The following ZFHX3 variants were observed in gnomAD, a reference collection of about 807,000 sequenced individuals.
ZFHX3 encodes zinc finger homeobox protein 3.
In ZFHX3, 42 loss-of-function variants were observed where a neutral mutation model predicts 279.1. The ratio of observed to expected loss-of-function variants is 0.15; its 90% CI spans 0.12 to 0.19. The LOEUF is 0.19. ZFHX3 is among the 10% of genes least tolerant of loss of function. ZFHX3 has a pLI of 1.00. For missense variants in ZFHX3, 4,981 were observed against 4,754.0 expected (o/e 1.05, Z -1.40); for synonymous variants, 2,293 against 1,957.8 (o/e 1.17, Z -4.52).
chr16:73,238,099 A>C (rs775685838), intron 5 of ZFHX3, among the ~76,000 whole-genome samples: 1 of 152,114 alleles, frequency 6.6e-6, no homozygotes, highest in Non-Finnish European at 1.5e-5. Context: ...CATACCTGGC[A>C]TCATTCTATT....
chr16:73,870,835 A>G (rs1282763322), intron 1 of ZFHX3, among the ~76,000 whole-genome samples: 1 of 152,194 alleles, frequency 6.6e-6, no homozygotes, highest in Non-Finnish European at 1.5e-5. Flanking sequence ...GGGTGGAGGA[A>G]AGACACATAA....
intron 2 of ZFHX3, among the ~76,000 whole-genome samples, chr16:73,468,183 A>T (rs1409269651): frequency 1.3e-5 from 2 of 152,156 alleles, no homozygotes; most frequent in African/African-American, 2.4e-5. Context: ...GTCCTCAAAC[A>T]TCTCAAGAAC....
intron 1 of ZFHX3, among the ~76,000 whole-genome samples, chr16:73,835,701 C>T (rs1961127782): frequency 2.6e-5 from 4 of 151,944 alleles, no homozygotes; most frequent in Admixed American, 6.6e-5. Context: ...GAACTCCTGA[C>T]CTCAGGAGAT....
intron 1 of ZFHX3, among the ~76,000 whole-genome samples, chr16:73,736,054 T>C (rs1437764232): frequency 6.6e-6 from 1 of 152,130 alleles, no homozygotes; most frequent in African/African-American, 2.4e-5. Flanking sequence ...CTCCTTCAGC[T>C]TCTCAGTCCT....
At chr16:73,093,550 C>A in exon 8 of ZFHX3, 1 of 511,406 alleles carries the variant, frequency 2.0e-6, no homozygotes, top group Non-Finnish European at 3.9e-6. Flanking sequence ...AAGCCTGGAG[C>A]CCAGCCATTT....
chr16:73,440,521 C>T (rs1442712459), intron 3 of ZFHX3, among the ~76,000 whole-genome samples: 2 of 152,138 alleles, frequency 1.3e-5, no homozygotes, highest in African/African-American at 2.4e-5. Context: ...CCAGAAGCTC[C>T]GACTTTGTGT....
At chr16:72,899,457 G>A (rs2038979183) in intron 3 of ZFHX3, among the ~76,000 whole-genome samples, 1 of 152,202 alleles carries the variant, frequency 6.6e-6, no homozygotes, top group Non-Finnish European at 1.5e-5. Flanking sequence ...CCCCAGCCAT[G>A]CTGAATGGTG....
intron 1 of ZFHX3, chr16:73,005,801 AG>A (rs1963684742): frequency 6.6e-6 from 1 of 152,260 alleles, no homozygotes; most frequent in South Asian, 2.1e-4. Flanking sequence ...AAAAAAAAAA[AG>A]GTCTTCAGCA....
At chr16:73,785,131 T>C (rs376371727) in intron 1 of ZFHX3, among the ~76,000 whole-genome samples, 16 of 152,318 alleles carry the variant, frequency 1.1e-4, no homozygotes, top group Admixed American at 6.5e-4. Flanking sequence ...ACATTCTCAT[T>C]ATATAGTTAT....
chr16:73,486,451 T>A (rs1038954404), intron 2 of ZFHX3, among the ~76,000 whole-genome samples: 1 of 152,188 alleles, frequency 6.6e-6, no homozygotes, highest in Non-Finnish European at 1.5e-5. Context: ...TGTGTGTGTT[T>A]GTTCAATTCT....
chr16:73,776,842 T>C (rs1050237978), intron 1 of ZFHX3, among the ~76,000 whole-genome samples: 3 of 152,180 alleles, frequency 2.0e-5, no homozygotes, highest in African/African-American at 7.2e-5. Context: ...TTCGCACTTC[T>C]TAAGGTGTGC....
intron 1 of ZFHX3, among the ~76,000 whole-genome samples, chr16:73,707,653 A>T (rs1018489366): frequency 2.0e-5 from 3 of 151,524 alleles, no homozygotes; most frequent in Non-Finnish European, 4.4e-5. Context: ...TGACAAGTTA[A>T]TGGGTGCAGC....
chr16:72,996,239 G>A (rs1027547495), intron 1 of ZFHX3, among the ~76,000 whole-genome samples: 4 of 152,252 alleles, frequency 2.6e-5, no homozygotes, highest in South Asian at 4.1e-4. Flanking sequence ...AGCTGAGCTC[G>A]TGCCACTGCA....
intron 8 of ZFHX3, among the ~76,000 whole-genome samples, chr16:73,083,594 A>G (rs1478946772): frequency 6.6e-6 from 1 of 151,978 alleles, no homozygotes; most frequent in East Asian, 1.9e-4. Flanking sequence ...CAGTGGTGCA[A>G]TCTTGGCTCA....
exon 1 of ZFHX3, chr16:73,059,497 CTCT>C (rs1178978121): frequency 1.4e-5 from 2 of 143,694 alleles, no homozygotes; most frequent in East Asian, 4.5e-4. Context: ...TCCCCCCCTT[CTCT>C]TTTCTTTCTT....
chr16:72,804,664 A>G (rs2036208266), intron 7 of ZFHX3, among the ~76,000 whole-genome samples: 1 of 152,188 alleles, frequency 6.6e-6, no homozygotes, highest in African/African-American at 2.4e-5. Flanking sequence ...CACACCTTAT[A>G]CAGCCCGTGT....
chr16:73,093,339 C>T (rs982357959), exon 8 of ZFHX3: 2 of 409,522 alleles, frequency 4.9e-6, no homozygotes, highest in African/African-American at 4.1e-5. Context: ...GAAGTGTGCC[C>T]AGGCCAACAG....
intron 5 of ZFHX3, among the ~76,000 whole-genome samples, chr16:73,244,297 G>A (rs1181498763): frequency 2.0e-5 from 3 of 152,160 alleles, no homozygotes; most frequent in Admixed American, 2.0e-4. Context: ...AATCAAAGGG[G>A]TGGGCGGATT....
At chr16:73,670,455 AT>A (rs2052893535) in intron 2 of ZFHX3, among the ~76,000 whole-genome samples, 1 of 152,228 alleles carries the variant, frequency 6.6e-6, no homozygotes, top group Non-Finnish European at 1.5e-5. Flanking sequence ...CAAATCTGAA[AT>A]CCAGTTAAGA....
Sources: allele counts gnomAD v4.1 joint callset (sites outside exome capture counted in the v4.1 genomes callset), GRCh38; gene constraint gnomAD v4.1.1; transcripts MANE v1.5; gene names NCBI Gene and HGNC (gene_info 2026-07-23, HGNC 2026-07-21).